MBD2: variants seen among roughly 807,000 people sequenced by gnomAD.
The protein encoded by MBD2 is methyl-CpG-binding domain protein 2.
In MBD2, 9 loss-of-function variants were observed where a neutral mutation model predicts 39.3. The ratio of observed to expected loss-of-function variants is 0.23; its 90% CI spans 0.14 to 0.40. MBD2 has a LOEUF of 0.40. Ranked by LOEUF, MBD2 falls within the 10% of genes least tolerant of loss-of-function variation. The pLI is 1.00. For synonymous variants in MBD2, 233 were observed against 211.1 expected, an observed-to-expected ratio of 1.10 and a Z score of -0.90; for missense variants, 458 against 532.6, an observed-to-expected ratio of 0.86 and a Z score of 1.38.
chr18:54,210,662 G>GT (rs2086496348), intron 1 of MBD2, among the ~76,000 whole-genome samples: 1 of 152,172 alleles, frequency 6.6e-6, no homozygotes, highest in Non-Finnish European at 1.5e-5. Flanking sequence ...CCAGACTGGA[G>GT]TAAGATGAAA....
intron 5 of MBD2, chr18:54,160,168 T>C: frequency 2.8e-6 from 1 of 356,700 alleles, no homozygotes; most frequent in Non-Finnish European, 5.2e-6. Flanking sequence ...TGACCTTTTC[T>C]TCAACTTTGA....
At position 54,202,875 on chromosome 18, in the gene MBD2, T is replaced by G. The variant is rs368730498; in HGVS notation, c.702+2123A>C. On this transcript the variant is annotated intron_variant, in intron 2 of 6. Coordinates refer to ENST00000256429, the MANE Select transcript of MBD2 (RefSeq NM_003927.5). The stretch of plus-strand genomic sequence containing the variant: ...GCAGACAAACAAGTCACAAATACAA[T>G]GGCAAAGCACCAGGGAAGCATTATG... The G allele has an allele frequency of 2.4e-6, 3 of 1,269,444 alleles. No homozygotes were observed. In the Admixed American group the frequency reaches 5.0e-5, roughly 21 times the overall value. The allele number at this position is 1,269,444 out of a possible 1,614,324, so 78.6% of individuals were successfully genotyped here.
chr18:54,180,015 A>G (rs544678518), intron 3 of MBD2, among the ~76,000 whole-genome samples: 1 of 152,276 alleles, frequency 6.6e-6, no homozygotes, highest in East Asian at 1.9e-4. Flanking sequence ...AGGTGACTTA[A>G]TAATTTAGAA....
chr18:54,203,165 T>C, intron 2 of MBD2: 4 of 1,597,424 alleles, frequency 2.5e-6, no homozygotes, highest in Non-Finnish European at 3.4e-6. Context: ...TGATGAAACA[T>C]AAGTGTCAGA....
chr18:54,172,460 T>A (rs2086185010), intron 3 of MBD2, among the ~76,000 whole-genome samples: 1 of 152,200 alleles, frequency 6.6e-6, no homozygotes, highest in Admixed American at 6.5e-5. Context: ...AAGGGAGTGA[T>A]TTGCATATAT....
intron 3 of MBD2, among the ~76,000 whole-genome samples, chr18:54,171,421 G>C (rs1475657459): frequency 7.1e-6 from 1 of 139,942 alleles, no homozygotes; most frequent in Non-Finnish European, 1.6e-5. Flanking sequence ...GCACGTAGTG[G>C]GGGTGTAGTG....
At chr18:54,203,136 T>A (rs1424420157) in intron 2 of MBD2, 4 of 1,608,178 alleles carry the variant, frequency 2.5e-6, no homozygotes, top group East Asian at 2.2e-5. Context: ...ACTGAAGAGA[T>A]GAATTAGTGT....
At chr18:54,196,826 C>T (rs2086370728) in intron 2 of MBD2, among the ~76,000 whole-genome samples, 1 of 152,192 alleles carries the variant, frequency 6.6e-6, no homozygotes, top group African/African-American at 2.4e-5. Context: ...CAGCTAGTAT[C>T]ATACTGAACA....
Position 54,179,618 on chromosome 18 carries a change from GAATA to G in MBD2, c.840+9252_840+9255del, listed in dbSNP as rs368580526. 5.3e-4 allele frequency among the ~76,000 whole-genome samples: 81 copies of G among 152,162 alleles called. 1 individual carries two copies. The South Asian group carries it at 0.013, about 25-fold the overall frequency. ...ATCAATATGATACACTTTATTAACA[GAATA>G]AATAAACATTATTTGATCACTTAAC... On this transcript the variant is annotated intron_variant, in intron 3 of 6. Coordinates refer to ENST00000256429, the MANE Select transcript of MBD2 (RefSeq NM_003927.5).
At chr18:54,220,821 A>G (rs373167271) in intron 1 of MBD2, among the ~76,000 whole-genome samples, 23 of 152,370 alleles carry the variant, frequency 1.5e-4, no homozygotes, top group African/African-American at 4.8e-4. Context: ...GTCACAAGTC[A>G]AATTAACTAC....
intron 1 of MBD2, among the ~76,000 whole-genome samples, chr18:54,209,013 G>A (rs1020002115): frequency 2.0e-5 from 3 of 152,014 alleles, no homozygotes; most frequent in African/African-American, 7.3e-5. Context: ...TGAAATGGGG[G>A]GCCAGGCACG....
At chr18:54,218,794 C>G (rs1021204469) in intron 1 of MBD2, among the ~76,000 whole-genome samples, 1 of 151,934 alleles carries the variant, frequency 6.6e-6, no homozygotes, top group Non-Finnish European at 1.5e-5. Flanking sequence ...AACTCCGTCT[C>G]TAACTAAAAA....
At chr18:54,212,354 G>A (rs923356944) in intron 1 of MBD2, among the ~76,000 whole-genome samples, 1 of 152,100 alleles carries the variant, frequency 6.6e-6, no homozygotes, top group African/African-American at 2.4e-5. Context: ...TATTGCCTAT[G>A]TTAGGCAAAT....
chr18:54,178,559 A>T (rs642361), intron 3 of MBD2, among the ~76,000 whole-genome samples: 5,804 of 151,484 alleles, frequency 0.038, 356 homozygotes, highest in African/African-American at 0.13. Context: ...ATACAGGCAT[A>T]AAAAAAAACA....
chr18:54,173,128 C>T (rs1211416534), intron 3 of MBD2, among the ~76,000 whole-genome samples: 1 of 152,158 alleles, frequency 6.6e-6, no homozygotes, highest in East Asian at 1.9e-4. Flanking sequence ...CTTCCCTTCC[C>T]TTCCCTTTCA....
At chr18:54,164,101 G>T (rs577685990) in intron 5 of MBD2, among the ~76,000 whole-genome samples, 2 of 152,200 alleles carry the variant, frequency 1.3e-5, no homozygotes, top group Admixed American at 6.5e-5. Flanking sequence ...GCCCAGGCTG[G>T]TCTCAAACTC....
intron 1 of MBD2, among the ~76,000 whole-genome samples, chr18:54,220,666 T>C (rs2086603666): frequency 6.6e-6 from 1 of 152,214 alleles, no homozygotes; most frequent in Non-Finnish European, 1.5e-5. Flanking sequence ...TTAACCCACT[T>C]TTAGCAGATA....
chr18:54,191,175 C>A (rs764326681), intron 2 of MBD2, among the ~76,000 whole-genome samples: 2 of 152,164 alleles, frequency 1.3e-5, no homozygotes, highest in East Asian at 1.9e-4. Context: ...TCAGAATCAC[C>A]CAGAGGGCTT....
At chr18:54,159,546 T>C (rs755954672) in intron 6 of MBD2, among the ~76,000 whole-genome samples, 15 of 151,892 alleles carry the variant, frequency 9.9e-5, no homozygotes, top group Non-Finnish European at 1.6e-4. Context: ...GCCTCCTGAG[T>C]AGCTGGAACC....
Sources: allele counts gnomAD v4.1 joint callset (sites outside exome capture counted in the v4.1 genomes callset), GRCh38; gene constraint gnomAD v4.1.1; transcripts MANE v1.5; gene names NCBI Gene and HGNC (gene_info 2026-07-23, HGNC 2026-07-21).